Variants in EPHB1 observed in about 807,000 individuals in gnomAD.
EPHB1 encodes the protein EPH receptor B1.
Under a neutral mutation model 94.4 loss-of-function variants are expected in EPHB1, and 30 were observed. The ratio of observed to expected loss-of-function variants is 0.32; its 90% confidence interval spans 0.24 to 0.43. The LOEUF (loss-of-function observed/expected upper bound fraction) is 0.43, where lower values mean the gene tolerates loss of function less well. Among genes scored for constraint, EPHB1 ranks in the 20% least tolerant of loss-of-function variants. EPHB1 has a pLI of 1.00. For synonymous variants in EPHB1, 522 were observed against 489.1 expected (o/e 1.07, Z -0.89); for missense variants, 1,055 against 1,308.3 (o/e 0.81, Z 2.99).
intron 10 of EPHB1, among the ~76,000 whole-genome samples, chr3:135,183,026 T>TTTTCTTTTCTTTCTTTC (rs1553745483): frequency 4.2e-4 from 40 of 94,670 alleles, no homozygotes; most frequent in South Asian, 6.5e-4. Context: ...TTTTCTTTTC[T>TTTTCTTTTCTTTCTTTC]TTTCTTTCTT....
At chr3:134,803,376 C>T (rs2035970368) in intron 1 of EPHB1, among the ~76,000 whole-genome samples, 1 of 152,118 alleles carries the variant, frequency 6.6e-6, no homozygotes, top group South Asian at 2.1e-4. Flanking sequence ...AGCAGGGGTC[C>T]AAGGCTGTAG....
intron 12 of EPHB1, among the ~76,000 whole-genome samples, chr3:135,233,155 A>C (rs1943571554): frequency 6.6e-6 from 1 of 152,210 alleles, no homozygotes; most frequent in South Asian, 2.1e-4. Flanking sequence ...GCATTAACCC[A>C]AAAATCCAAG....
intron 3 of EPHB1, among the ~76,000 whole-genome samples, chr3:135,030,810 C>T (rs1936418395): frequency 6.6e-6 from 1 of 152,218 alleles, no homozygotes; most frequent in Non-Finnish European, 1.5e-5. Flanking sequence ...ATGGTGGGCG[C>T]CCCTCCCCCA....
At chr3:135,218,418 A>G (rs1435770965) in intron 12 of EPHB1, among the ~76,000 whole-genome samples, 1 of 152,166 alleles carries the variant, frequency 6.6e-6, no homozygotes, top group Non-Finnish European at 1.5e-5. Flanking sequence ...GACTCAGCAT[A>G]ATTATTCTTA....
intron 4 of EPHB1, among the ~76,000 whole-genome samples, chr3:135,111,655 C>T (rs1253647143): frequency 2.0e-5 from 3 of 152,060 alleles, no homozygotes; most frequent in African/African-American, 4.8e-5. Flanking sequence ...TAATCCCCAC[C>T]TGTTCTGGCT....
chr3:135,215,404 C>T (rs551238355), intron 12 of EPHB1, among the ~76,000 whole-genome samples: 4 of 152,274 alleles, frequency 2.6e-5, no homozygotes, highest in African/African-American at 9.6e-5. Context: ...CTCAGGTAAT[C>T]CGCCTGCCTT....
At chr3:134,922,900 G>A (rs1045853218) in intron 1 of EPHB1, among the ~76,000 whole-genome samples, 3 of 152,312 alleles carry the variant, frequency 2.0e-5, no homozygotes, top group Admixed American at 2.0e-4. Flanking sequence ...TCCCAACTCC[G>A]CCACAAGGAT....
intron 4 of EPHB1, among the ~76,000 whole-genome samples, chr3:135,124,972 G>A (rs2107684458): frequency 6.6e-6 from 1 of 151,674 alleles, no homozygotes; most frequent in East Asian, 1.9e-4. Flanking sequence ...CTCTTGAAGG[G>A]ACACCTCAGA....
At chr3:134,810,968 C>T (rs1272565823) in intron 1 of EPHB1, among the ~76,000 whole-genome samples, 6 of 152,112 alleles carry the variant, frequency 3.9e-5, no homozygotes, top group African/African-American at 9.7e-5. Context: ...GGAGAGTGAG[C>T]GACTGCTTTT....
chr3:135,191,874 GC>G (rs1427661406), intron 10 of EPHB1, among the ~76,000 whole-genome samples: 4 of 152,180 alleles, frequency 2.6e-5, no homozygotes, highest in African/African-American at 4.8e-5. Flanking sequence ...CTTCCCAGCA[GC>G]CCCCAGCCAA....
intron 1 of EPHB1, among the ~76,000 whole-genome samples, chr3:134,797,014 C>T (rs1163115371): frequency 1.3e-5 from 2 of 152,234 alleles, no homozygotes; most frequent in Non-Finnish European, 2.9e-5. Context: ...AGGGGCATTC[C>T]GGGCCCTGAG....
intron 3 of EPHB1, among the ~76,000 whole-genome samples, chr3:135,073,678 T>A (rs1290800915): frequency 2.0e-5 from 3 of 152,212 alleles, no homozygotes; most frequent in Non-Finnish European, 4.4e-5. Context: ...TCTTTTTTTT[T>A]AAGTTTATTT....
intron 1 of EPHB1, among the ~76,000 whole-genome samples, chr3:134,830,783 C>G (rs1438825185): frequency 2.0e-5 from 3 of 152,220 alleles, no homozygotes; most frequent in Non-Finnish European, 4.4e-5. Context: ...CAACCTTGCC[C>G]TCCCAGCTAG....
intron 3 of EPHB1, among the ~76,000 whole-genome samples, chr3:135,024,709 C>A (rs201866882): frequency 1.3e-5 from 2 of 152,092 alleles, no homozygotes; most frequent in African/African-American, 4.8e-5. Flanking sequence ...TCCATGAGTA[C>A]CAAAAGGAAA....
chr3:134,847,808 T>C (rs2036904083), intron 1 of EPHB1, among the ~76,000 whole-genome samples: 1 of 152,196 alleles, frequency 6.6e-6, no homozygotes, highest in South Asian at 2.1e-4. Context: ...TGTTGTGTTT[T>C]TAAAAATCAG....
intron 1 of EPHB1, among the ~76,000 whole-genome samples, chr3:134,852,153 C>G (rs73229148): frequency 0.074 from 11,311 of 152,214 alleles, 464 homozygotes; most frequent in South Asian, 0.13. Context: ...ATGGCCATCT[C>G]GTTCCATCCA....
At chr3:135,095,727 G>T (rs1423734513) in intron 3 of EPHB1, among the ~76,000 whole-genome samples, 1 of 152,160 alleles carries the variant, frequency 6.6e-6, no homozygotes, top group Non-Finnish European at 1.5e-5. Context: ...GCCCCTGAAG[G>T]CACTGTGCTC....
At chr3:134,941,207 T>G (rs2039109630) in intron 2 of EPHB1, among the ~76,000 whole-genome samples, 1 of 152,032 alleles carries the variant, frequency 6.6e-6, no homozygotes. Context: ...CAGAATTCTG[T>G]GCTTGGAATT....
intron 3 of EPHB1, among the ~76,000 whole-genome samples, chr3:134,952,804 C>T (rs1472642109): frequency 6.6e-6 from 1 of 152,196 alleles, no homozygotes; most frequent in Non-Finnish European, 1.5e-5. Context: ...CCATATTCAA[C>T]ATGTGGCAAT....
Sources: gnomAD v4.1 joint callset for allele counts (sites outside exome capture counted in the v4.1 genomes callset) on GRCh38, gnomAD v4.1.1 for gene constraint, MANE v1.5 for transcripts, NCBI Gene and HGNC (gene_info 2026-07-23, HGNC 2026-07-21) for gene names.